The following ERBB4 variants were observed in gnomAD, a reference collection of about 807,000 sequenced individuals.
The protein encoded by ERBB4 is erb-b2 receptor tyrosine kinase 4.
Under a neutral mutation model 158.0 loss-of-function variants are expected in ERBB4, and 42 were observed. The ratio of observed to expected loss-of-function variants is 0.27; its 90% CI spans 0.21 to 0.34. The LOEUF is 0.34. Ranked by LOEUF, ERBB4 falls within the 10% of genes least tolerant of loss-of-function variation. The pLI, the probability that ERBB4 is intolerant of heterozygous loss-of-function variation, is 1.00. For missense variants in ERBB4, 1,333 were observed against 1,624.1 expected (o/e 0.82, Z 3.08); for synonymous variants, 583 against 558.7 (o/e 1.04, Z -0.61).
intron 2 of ERBB4, among the ~76,000 whole-genome samples, chr2:211,963,439 A>G (rs1207815092): frequency 6.6e-6 from 1 of 152,190 alleles, no homozygotes; most frequent in Non-Finnish European, 1.5e-5. Flanking sequence ...AGTGCCTGCT[A>G]GTATACCATC....
At chr2:211,849,741 T>A (rs905120789) in intron 3 of ERBB4, among the ~76,000 whole-genome samples, 23 of 152,016 alleles carry the variant, frequency 1.5e-4, no homozygotes, top group Admixed American at 2.0e-4. Flanking sequence ...AAACCATACA[T>A]AGCCACTGAA....
chr2:211,795,344 G>A (rs1322619785), intron 3 of ERBB4, among the ~76,000 whole-genome samples: 1 of 151,576 alleles, frequency 6.6e-6, no homozygotes, highest in Non-Finnish European at 1.5e-5. Context: ...TTCTGTGATG[G>A]GTTTATTGTA....
chr2:212,326,597 T>G (rs1268786155), intron 1 of ERBB4, among the ~76,000 whole-genome samples: 1 of 150,766 alleles, frequency 6.6e-6, no homozygotes, highest in Non-Finnish European at 1.5e-5. Flanking sequence ...GGGTATGTTT[T>G]TTAATTTCTA....
intron 2 of ERBB4, among the ~76,000 whole-genome samples, chr2:211,973,809 T>C (rs1029111334): frequency 1.3e-5 from 2 of 152,080 alleles, no homozygotes; most frequent in African/African-American, 2.4e-5. Flanking sequence ...TTATGCACAA[T>C]AGCAAAGACA....
At chr2:212,321,068 CA>C (rs2087548512) in intron 1 of ERBB4, among the ~76,000 whole-genome samples, 1 of 149,932 alleles carries the variant, frequency 6.7e-6, no homozygotes, top group South Asian at 2.1e-4. Context: ...GAGATAATCA[CA>C]GTGGAAAAGG....
chr2:211,700,080 G>A (rs1433240634), intron 12 of ERBB4, among the ~76,000 whole-genome samples: 1 of 152,028 alleles, frequency 6.6e-6, no homozygotes, highest in African/African-American at 2.4e-5. Flanking sequence ...TGAATTCACA[G>A]TTAAATTTTT....
intron 25 of ERBB4, among the ~76,000 whole-genome samples, chr2:211,413,455 TAAAC>T (rs1350290718): frequency 6.7e-6 from 1 of 149,674 alleles, no homozygotes; most frequent in African/African-American, 2.5e-5. Context: ...AACAAACAAA[TAAAC>T]AAAAACCCTC....
chr2:211,851,067 T>C (rs1053969546), intron 3 of ERBB4, among the ~76,000 whole-genome samples: 1 of 151,914 alleles, frequency 6.6e-6, no homozygotes, highest in African/African-American at 2.4e-5. Context: ...AAATAAATTA[T>C]TACCTTTAGA....
At chr2:211,748,270 T>C (rs1017767466) in intron 5 of ERBB4, among the ~76,000 whole-genome samples, 2 of 152,054 alleles carry the variant, frequency 1.3e-5, no homozygotes, top group Non-Finnish European at 2.9e-5. Context: ...ATTTTAATTG[T>C]AATAGTATTA....
chr2:211,429,356 C>T (rs969411468), intron 21 of ERBB4, among the ~76,000 whole-genome samples: 1 of 152,032 alleles, frequency 6.6e-6, no homozygotes, highest in African/African-American at 2.4e-5. Context: ...CAAAGTTAGC[C>T]TTGCTTTGTT....
At chr2:212,055,306 G>A (rs999055536) in intron 2 of ERBB4, among the ~76,000 whole-genome samples, 4 of 152,202 alleles carry the variant, frequency 2.6e-5, no homozygotes, top group Admixed American at 6.5e-5. Context: ...CAGGAAGCTC[G>A]AACTGGGTGG....
intron 2 of ERBB4, among the ~76,000 whole-genome samples, chr2:212,005,808 G>C (rs1294184548): frequency 2.0e-5 from 3 of 152,080 alleles, no homozygotes; most frequent in Non-Finnish European, 4.4e-5. Context: ...ACTCTAAGCT[G>C]GGCTCAGTGG....
chr2:211,564,229 C>T (rs1373918448), intron 19 of ERBB4, among the ~76,000 whole-genome samples: 1 of 151,982 alleles, frequency 6.6e-6, no homozygotes, highest in Non-Finnish European at 1.5e-5. Flanking sequence ...GAGAAGCAAC[C>T]CAATAATGTA....
At position 211,833,030 on chromosome 2, in the gene ERBB4, C is replaced by T. The variant is rs532768366; in HGVS notation, c.422-44871G>A. Among the ~76,000 whole-genome samples the T allele has an allele frequency of 2.0e-5, 3 of 152,004 alleles. No homozygotes were observed. The South Asian group carries it at 6.2e-4, about 32-fold the overall frequency. Reference sequence around the variant, plus strand: ...TATTCTGCCTGTGAAGTGAGGATAACACTTCCTTCACAAGTAAAGGAAAAA... The same window carrying T: ...TATTCTGCCTGTGAAGTGAGGATAATACTTCCTTCACAAGTAAAGGAAAAA... On this transcript the variant is annotated intron_variant, in intron 3 of 27. Transcript: ENST00000342788.
intron 20 of ERBB4, among the ~76,000 whole-genome samples, chr2:211,515,912 A>ATATATATTT (rs35696520): frequency 1.3e-5 from 1 of 78,984 alleles, no homozygotes; most frequent in African/African-American, 5.7e-5. Context: ...ATATATATAT[A>ATATATATTT]TTTTTTTTTT....
chr2:212,231,840 C>T (rs1024049570), intron 1 of ERBB4, among the ~76,000 whole-genome samples: 9 of 152,118 alleles, frequency 5.9e-5, no homozygotes, highest in Non-Finnish European at 1.0e-4. Flanking sequence ...TTTCTACTAA[C>T]CTTTTTCTTC....
chr2:212,297,621 ATT>A (rs2086460703), intron 1 of ERBB4, among the ~76,000 whole-genome samples: 5 of 150,940 alleles, frequency 3.3e-5, no homozygotes, highest in Admixed American at 6.6e-5. Context: ...ACAAAACATT[ATT>A]TGATCACTGG....
At chr2:211,681,143 A>G (rs766113248) in intron 12 of ERBB4, among the ~76,000 whole-genome samples, 9 of 152,150 alleles carry the variant, frequency 5.9e-5, no homozygotes, top group Non-Finnish European at 8.8e-5. Flanking sequence ...TCTTTCATTT[A>G]TATAATTATG....
chr2:211,503,515 G>A lies in ERBB4; in HGVS notation c.2487+58388C>T, dbSNP rs114103113. ...GCCTGAGTGGTTTGTTGGCAGTCTT[G>A]GAGCAGTTCCTCCTAGTCCAGATCA... On this transcript the variant is annotated intron_variant, in intron 20 of 27. Coordinates refer to ENST00000342788, the MANE Select transcript of ERBB4 (RefSeq NM_005235.3). Among the ~76,000 whole-genome samples the A allele has an allele frequency of 4.9e-3, 749 of 152,212 alleles. 8 individuals carry two copies. Among genetic ancestry groups the A allele is most frequent in the African/African-American group, 0.017 (721 of 41,554 alleles).
Sources: allele counts gnomAD v4.1 joint callset (sites outside exome capture counted in the v4.1 genomes callset), GRCh38; gene constraint gnomAD v4.1.1; transcripts MANE v1.5; gene names NCBI Gene and HGNC (gene_info 2026-07-23, HGNC 2026-07-21).